CAAP1: variants seen among roughly 807,000 people sequenced by gnomAD.
The protein encoded by CAAP1 is conserved anti-apoptotic protein.
A neutral mutation model predicts 34.0 loss-of-function variants in CAAP1; 20 were observed. That is an observed-to-expected ratio of 0.59 (90% CI 0.41 to 0.86). The LOEUF (loss-of-function observed/expected upper bound fraction) is 0.86, where lower values mean the gene tolerates loss of function less well. CAAP1 is among the 40% of genes least tolerant of loss of function. The pLI is 0.00. For synonymous variants in CAAP1, 213 were observed against 166.7 expected, an observed-to-expected ratio of 1.28 and a Z score of -2.14; for missense variants, 538 against 450.5, an observed-to-expected ratio of 1.19 and a Z score of -1.76.
At chr9:26,871,033 A>C (rs1429011314) in intron 4 of CAAP1, among the ~76,000 whole-genome samples, 1 of 152,150 alleles carries the variant, frequency 6.6e-6, no homozygotes, top group Non-Finnish European at 1.5e-5. Context: ...TATTGCATTC[A>C]AGTTTATTAA....
intron 1 of CAAP1, among the ~76,000 whole-genome samples, chr9:26,891,914 G>T (rs1823912694): frequency 6.6e-6 from 1 of 152,176 alleles, no homozygotes; most frequent in Non-Finnish European, 1.5e-5. Flanking sequence ...TGGCAGACTG[G>T]TGGCGTATAA....
chr9:26,879,070 C>G (rs543417848), intron 4 of CAAP1, among the ~76,000 whole-genome samples: 1 of 152,172 alleles, frequency 6.6e-6, no homozygotes, highest in Non-Finnish European at 1.5e-5. Context: ...GAAATGTACA[C>G]TGATTCTTTG....
chr9:26,886,156 G>A lies in CAAP1; in HGVS notation c.537C>T (p.Cys179=). ...CAGACAGGAGCTCTAACTGTTCCTG[G>A]CATAGTTTTTTAATTTCTTCTATTG... ...NCSIEEIKKL[C]QEQLELLSEK... The change falls in exon 3 of 6, where the codon TGC becomes TGT. Residue 179 remains cysteine, a synonymous_variant. Coordinates refer to ENST00000333916, the MANE Select transcript of CAAP1 (RefSeq NM_024828.4). The A allele has an allele frequency of 6.4e-7, 1 of 1,551,638 alleles. No homozygotes were observed.
rs74346442 is a variant in CAAP1 at position 26,866,736 on chromosome 9, A to T, written c.666-5597T>A. 3.2e-3 allele frequency among the ~76,000 whole-genome samples: 483 copies of T among 152,234 alleles called. 3 individuals are homozygous for T. Among genetic ancestry groups the T allele is most frequent in the Middle Eastern group, 0.02 (6 of 294 alleles). On this transcript the variant is annotated intron_variant, in intron 4 of 5. Coordinates refer to ENST00000333916, the MANE Select transcript of CAAP1 (RefSeq NM_024828.4). ...GGAGATTTGTGAATTTGCCTAGTGT[A>T]TTTGTTTCCTATGAATTTTGTAATA...
Position 26,861,057 on chromosome 9 carries a change from G to A in CAAP1, c.739+9C>T. The stretch of plus-strand genomic sequence containing the variant: ...AATTTTATACAATAATCAAGTACTT[G>A]GTTCATACCTTGTTTTAATTCCAAA... On this transcript the variant is annotated intron_variant, in intron 5 of 5. Transcript: ENST00000333916. The A allele has an allele frequency of 6.3e-7, 1 of 1,580,566 alleles. No individual in the cohort carries two copies. The highest frequency in any genetic ancestry group is 8.7e-7 in the Non-Finnish European group (1 of 1,150,684).
chr9:26,860,568 G>A (rs144193217), intron 5 of CAAP1, among the ~76,000 whole-genome samples: 1,929 of 152,174 alleles, frequency 0.013, 37 homozygotes, highest in African/African-American at 0.044. Context: ...CGAGGCGGGT[G>A]GATCACAAGG....
At chr9:26,880,356 G>C in intron 4 of CAAP1, 1 of 294,578 alleles carries the variant, frequency 3.4e-6, no homozygotes, top group Non-Finnish European at 6.8e-6. Context: ...GAAGGGAAGT[G>C]TGTGATTCAG....
At chr9:26,873,823 G>C (rs566174453) in intron 4 of CAAP1, among the ~76,000 whole-genome samples, 1 of 152,018 alleles carries the variant, frequency 6.6e-6, no homozygotes, top group African/African-American at 2.4e-5. Context: ...AAAGTTTTTA[G>C]ACAACCCGAA....
At chr9:26,880,188 A>G (rs973105131) in intron 4 of CAAP1, 2 of 312,058 alleles carry the variant, frequency 6.4e-6, no homozygotes, top group African/African-American at 4.5e-5. Context: ...GTCTTTTGGC[A>G]TAATTGTTAT....
intron 4 of CAAP1, among the ~76,000 whole-genome samples, chr9:26,865,841 CTTTA>C (rs1371101967): frequency 2.0e-5 from 3 of 151,976 alleles, no homozygotes; most frequent in South Asian, 4.2e-4. Context: ...CAGTAAATAA[CTTTA>C]TTTATTTATT....
chr9:26,865,048 A>T (rs1409765828), intron 4 of CAAP1, among the ~76,000 whole-genome samples: 1 of 152,230 alleles, frequency 6.6e-6, no homozygotes, highest in East Asian at 1.9e-4. Context: ...TCTGCTCTTT[A>T]TATGTGTCTA....
intron 1 of CAAP1, among the ~76,000 whole-genome samples, chr9:26,890,182 C>A (rs940377154): frequency 6.6e-6 from 1 of 151,574 alleles, no homozygotes; most frequent in Admixed American, 6.6e-5. Context: ...CCAGCCTGAC[C>A]AACATGGTGA....
chr9:26,892,318 CAG>C (rs2131349656), intron 1 of CAAP1, 93 bp downstream of exon 1: 1 of 1,549,772 alleles, frequency 6.5e-7, no homozygotes, highest in African/African-American at 1.4e-5. Context: ...GCCGCGCTAG[CAG>C]TGAGCTCCAG....
rs145299717 is a variant in CAAP1 at position 26,872,553 on chromosome 9, A to AATATATATATATATATATAT, written c.666-11434_666-11415dup. On this transcript the variant is annotated intron_variant, in intron 4 of 5. Coordinates refer to ENST00000333916, the MANE Select transcript of CAAP1 (RefSeq NM_024828.4). Reference sequence around the variant, plus strand: ...TAAATAGACAGATAGATATACATATAATATATATATATATATATATTTAGA... The same window carrying AATATATATATATATATATAT: ...TAAATAGACAGATAGATATACATATAATATATATATATATATATATATATATATATATATATATATTTAGA... 1.0e-3 allele frequency among the ~76,000 whole-genome samples: 142 copies of AATATATATATATATATATAT among 142,528 alleles called. 4 individuals are homozygous for AATATATATATATATATATAT. Among genetic ancestry groups the AATATATATATATATATATAT allele is most frequent in the African/African-American group, 3.7e-3 (135 of 36,918 alleles). The allele number at this position is 142,528 out of a possible 152,430, so 93.5% of individuals were successfully genotyped here.
At chr9:26,859,276 T>G (rs1043461966) in intron 5 of CAAP1, among the ~76,000 whole-genome samples, 1 of 152,186 alleles carries the variant, frequency 6.6e-6, no homozygotes, top group Non-Finnish European at 1.5e-5. Context: ...GACTGGTTTT[T>G]CACATGACTG....
At chr9:26,864,660 T>G (rs1281705153) in intron 4 of CAAP1, among the ~76,000 whole-genome samples, 1 of 152,226 alleles carries the variant, frequency 6.6e-6, no homozygotes, top group East Asian at 1.9e-4. Flanking sequence ...GGGGCTCTGT[T>G]TTATTTTAAA....
At chr9:26,846,415 C>CAAAAAAAAAAAAAAAAAAAAAAAAA (rs761402354) in intron 5 of CAAP1, among the ~76,000 whole-genome samples, 1 of 61,746 alleles carries the variant, frequency 1.6e-5, no homozygotes, top group African/African-American at 5.7e-5. Flanking sequence ...GACTCTGTCT[C>CAAAAAAAAAAAAAAAAAAAAAAAAA]AAAAAAAAAA....
chr9:26,868,763 C>A (rs1823200343), intron 4 of CAAP1, among the ~76,000 whole-genome samples: 1 of 152,094 alleles, frequency 6.6e-6, no homozygotes, highest in Non-Finnish European at 1.5e-5. Context: ...CTTTCTTCAA[C>A]ACGTTCATTT....
chr9:26,867,169 G>A (rs1823160113), intron 4 of CAAP1, among the ~76,000 whole-genome samples: 1 of 152,154 alleles, frequency 6.6e-6, no homozygotes, highest in Non-Finnish European at 1.5e-5. Context: ...TTCCCTGATG[G>A]AAAAATCTTC....
Sources: gnomAD v4.1 joint callset for allele counts (sites outside exome capture counted in the v4.1 genomes callset) on GRCh38, gnomAD v4.1.1 for gene constraint, MANE v1.5 for transcripts, NCBI Gene and HGNC (gene_info 2026-07-23, HGNC 2026-07-21) for gene names.